CLVS1: variants seen among roughly 807,000 people sequenced by gnomAD.
CLVS1 encodes clavesin-1.
A neutral mutation model predicts 33.1 loss-of-function variants in CLVS1; 10 were observed. The ratio of observed to expected loss-of-function variants is 0.30; its 90% CI spans 0.19 to 0.51. The LOEUF is 0.51. CLVS1 is among the 20% of genes least tolerant of loss of function. The pLI, the probability that CLVS1 is intolerant of heterozygous loss-of-function variation, is 0.97. For missense variants in CLVS1, 343 were observed against 433.4 expected (o/e 0.79, Z 1.85); for synonymous variants, 163 against 166.1 (o/e 0.98, Z 0.14).
At chr8:61,361,249 G>A (rs911757426) in intron 2 of CLVS1, among the ~76,000 whole-genome samples, 1 of 152,012 alleles carries the variant, frequency 6.6e-6, no homozygotes, top group African/African-American at 2.4e-5. Context: ...GATTTGGTGG[G>A]GACACAGATC....
At chr8:61,439,452 T>C (rs1046124836) in intron 3 of CLVS1, among the ~76,000 whole-genome samples, 1 of 152,206 alleles carries the variant, frequency 6.6e-6, no homozygotes, top group African/African-American at 2.4e-5. Context: ...TGATTGAGAA[T>C]GCAGGCTAGG....
At chr8:61,231,221 A>G (rs1808425950) in intron 2 of CLVS1, among the ~76,000 whole-genome samples, 2 of 152,132 alleles carry the variant, frequency 1.3e-5, no homozygotes, top group Admixed American at 1.3e-4. Context: ...AAAAGCAGCA[A>G]AAGTTCAGGT....
chr8:61,287,503 A>C (rs545863740), upstream of CLVS1, among the ~76,000 whole-genome samples: 1 of 152,054 alleles, frequency 6.6e-6, no homozygotes, highest in African/African-American at 2.4e-5. Context: ...TATGTCTTCT[A>C]TTCCTCTTGT....
rs555822731 is a variant in CLVS1 at position 61,212,705 on chromosome 8, G to A, written c.-152+80845G>A. The stretch of plus-strand genomic sequence containing the variant: ...AGAGCTAAAATTCCTTAAGGCCACA[G>A]AGCGGGTGTGAATAAGGTGAAGTTC... On this transcript the variant is annotated intron_variant, in intron 2 of 2. Transcript: ENST00000522621. Among the ~76,000 whole-genome samples the A allele has an allele frequency of 3.9e-5, 6 of 152,320 alleles. No individual in the cohort carries two copies. The South Asian group carries it at 1.0e-3, about 26-fold the overall frequency.
intron 2 of CLVS1, among the ~76,000 whole-genome samples, chr8:61,327,542 C>A (rs1415169883): frequency 6.6e-6 from 1 of 152,192 alleles, no homozygotes. Context: ...TCAATATTTG[C>A]TGAATTAAAT....
intron 5 of CLVS1, among the ~76,000 whole-genome samples, chr8:61,459,496 C>T (rs189697472): frequency 7.7e-5 from 11 of 142,984 alleles, no homozygotes; most frequent in Non-Finnish European, 1.4e-4. Flanking sequence ...TTATCCCTCG[C>T]CCCCCTCCTA....
chr8:61,414,359 G>A (rs1340926309), intron 3 of CLVS1, among the ~76,000 whole-genome samples: 1 of 151,420 alleles, frequency 6.6e-6, no homozygotes, highest in East Asian at 1.9e-4. Context: ...TAAAGATGAA[G>A]AAGACAGAAA....
At chr8:61,475,699 C>T (rs564751526) in intron 5 of CLVS1, among the ~76,000 whole-genome samples, 3 of 152,150 alleles carry the variant, frequency 2.0e-5, no homozygotes, top group South Asian at 2.1e-4. Flanking sequence ...GATATTAGCC[C>T]TTTGTCAGAT....
chr8:61,016,551 A>T, the CLVS1 span, among the ~76,000 whole-genome samples: 2 of 152,236 alleles, frequency 1.3e-5, no homozygotes, highest in Non-Finnish European at 2.9e-5. Context: ...CTGATGTCTC[A>T]TGTATTCATG....
At chr8:61,434,625 T>A (rs1257341842) in intron 3 of CLVS1, among the ~76,000 whole-genome samples, 48 of 152,156 alleles carry the variant, frequency 3.2e-4, no homozygotes, top group Admixed American at 3.1e-3. Context: ...TATAAATAAA[T>A]TTGAACATTT....
intron 1 of CLVS1, among the ~76,000 whole-genome samples, chr8:61,125,668 G>C (rs916973653): frequency 4.6e-5 from 7 of 152,186 alleles, no homozygotes; most frequent in Admixed American, 4.6e-4. Flanking sequence ...TCAGTCCAAA[G>C]GGATTTTCTA....
chr8:61,441,753 A>T (rs758037193), intron 3 of CLVS1, among the ~76,000 whole-genome samples: 2 of 152,184 alleles, frequency 1.3e-5, no homozygotes, highest in Non-Finnish European at 2.9e-5. Context: ...ATTGAACACA[A>T]AACAAGGCAG....
intron 1 of CLVS1, among the ~76,000 whole-genome samples, chr8:61,118,621 C>T (rs12235094): frequency 1.3e-5 from 2 of 149,710 alleles, no homozygotes; most frequent in African/African-American, 2.5e-5. Context: ...GCCTTCATTT[C>T]GTTATGTACC....
At chr8:61,164,211 A>G (rs781690075) in intron 2 of CLVS1, among the ~76,000 whole-genome samples, 5 of 152,136 alleles carry the variant, frequency 3.3e-5, no homozygotes, top group East Asian at 1.9e-4. Flanking sequence ...ACCTTCCCCA[A>G]CTAGGCGTAG....
chr8:61,218,428 C>T (rs1269959647), intron 2 of CLVS1, among the ~76,000 whole-genome samples: 1 of 151,786 alleles, frequency 6.6e-6, no homozygotes, highest in Non-Finnish European at 1.5e-5. Context: ...CATGTTCTCA[C>T]TTATACGTGG....
chr8:61,108,130 G>T (rs1805569699), intron 1 of CLVS1, among the ~76,000 whole-genome samples: 1 of 151,090 alleles, frequency 6.6e-6, no homozygotes, highest in Non-Finnish European at 1.5e-5. Flanking sequence ...ATTTAGCCAG[G>T]CGTGGTGGTG....
chr8:61,087,812 G>A (rs962873425), intron 1 of CLVS1, among the ~76,000 whole-genome samples: 1 of 152,056 alleles, frequency 6.6e-6, no homozygotes, highest in African/African-American at 2.4e-5. Context: ...TGAATGCTGG[G>A]TACACTTAAA....
At chr8:61,456,986 G>A (rs1817190324) in intron 4 of CLVS1, among the ~76,000 whole-genome samples, 1 of 150,998 alleles carries the variant, frequency 6.6e-6, no homozygotes, top group East Asian at 2.0e-4. Context: ...TGCCCAGGCT[G>A]GAGTGCAGTG....
At chr8:61,087,923 C>T (rs1011654991) in intron 1 of CLVS1, among the ~76,000 whole-genome samples, 1 of 152,154 alleles carries the variant, frequency 6.6e-6, no homozygotes, top group Non-Finnish European at 1.5e-5. Flanking sequence ...CTGTGGGCTT[C>T]CCCAATCCTA....
Sources: gnomAD v4.1 joint callset for allele counts (sites outside exome capture counted in the v4.1 genomes callset) on GRCh38, gnomAD v4.1.1 for gene constraint, MANE v1.5 for transcripts, NCBI Gene and HGNC (gene_info 2026-07-23, HGNC 2026-07-21) for gene names.